The following FASTKD1 variants were observed in gnomAD, a reference collection of about 807,000 sequenced individuals.
The protein encoded by FASTKD1 is FAST kinase domain-containing protein 1, mitochondrial.
FASTKD1 carries 94 observed loss-of-function variants against 90.9 expected under a neutral mutation model. That is an observed-to-expected ratio of 1.03 (90% CI 0.88 to 1.23). The LOEUF (loss-of-function observed/expected upper bound fraction) is 1.23. Among genes scored for constraint, FASTKD1 ranks in the 50% most tolerant of loss-of-function variants. FASTKD1 has a pLI of 0.00. For missense variants in FASTKD1, 945 were observed against 993.5 expected (o/e 0.95, Z 0.66); for synonymous variants, 319 against 345.8 (o/e 0.92, Z 0.86).
chr2:169,531,433 A>G lies in FASTKD1; in HGVS notation c.2246T>C (p.Ile749Thr). Residue 749 changes from isoleucine to threonine, a missense_variant, in exon 13 of 15, where the codon ATA becomes ACA. Ile to Thr is a moderately conservative substitution (Grantham distance 89). Transcript: ENST00000453153. The part of the protein sequence containing the change: ...KKPLPYGSHN[I>T]ALGQLPEMPW... The stretch of plus-strand genomic sequence containing the variant: ...CATTTCTGGTAGTTGTCCCAATGCT[A>G]TATTATGGCTTCCATACGGAAGAGG... The G allele has an allele frequency of 6.2e-7, 1 of 1,612,416 alleles. No homozygotes were observed. Among genetic ancestry groups the G allele is most frequent in the Non-Finnish European group, 8.5e-7 (1 of 1,179,542 alleles).
At chr2:169,542,964 A>G (rs767925542) in intron 9 of FASTKD1, among the ~76,000 whole-genome samples, 39 of 152,204 alleles carry the variant, frequency 2.6e-4, no homozygotes, top group Non-Finnish European at 4.6e-4. Flanking sequence ...TTTGCTGCAA[A>G]TGTTTAATCT....
At chr2:169,537,183 G>T in intron 12 of FASTKD1, 44 bp downstream of exon 12, 2 of 1,162,110 alleles carry the variant, frequency 1.7e-6, no homozygotes, top group Non-Finnish European at 2.6e-6. Flanking sequence ...ATTCAAATTA[G>T]TTTGATTTTC....
intron 7 of FASTKD1, among the ~76,000 whole-genome samples, chr2:169,552,321 ATCT>A (rs1574391313): frequency 1.3e-5 from 2 of 152,212 alleles, no homozygotes; most frequent in East Asian, 1.9e-4. Context: ...GGAAAATGAA[ATCT>A]TCTTTGATGC....
rs569321950 is a variant in FASTKD1, at chr2:169,556,115, G to A, written c.1083-860C>T. ...CTATTTTACAAGGTTATGATGCTCTGCTTGAGTGTAATAGCACAAATAAAA... is the reference window on the plus strand; with the variant it reads ...CTATTTTACAAGGTTATGATGCTCTACTTGAGTGTAATAGCACAAATAAAA... On this transcript the variant is annotated intron_variant, in intron 6 of 14. Coordinates refer to ENST00000453153, the MANE Select transcript of FASTKD1 (RefSeq NM_024622.6). Among the ~76,000 whole-genome samples the A allele has an allele frequency of 2.0e-5, 3 of 152,202 alleles. No individual in the cohort carries two copies. The South Asian group carries it at 6.2e-4, about 32-fold the overall frequency.
chr2:169,536,089 A>G (rs921708746), intron 12 of FASTKD1, among the ~76,000 whole-genome samples: 3 of 152,160 alleles, frequency 2.0e-5, no homozygotes, highest in Non-Finnish European at 4.4e-5. Flanking sequence ...GAGACCAGCA[A>G]CATAGTGAGA....
At chr2:169,568,829 T>C (rs1684109972) in intron 3 of FASTKD1, among the ~76,000 whole-genome samples, 1 of 151,572 alleles carries the variant, frequency 6.6e-6, no homozygotes, top group South Asian at 2.1e-4. Context: ...TGAAACCCCA[T>C]CTCTACTAAA....
chr2:169,531,288 C>G, intron 13 of FASTKD1, 64 bp downstream of exon 13: 2 of 1,501,510 alleles, frequency 1.3e-6, no homozygotes, highest in Non-Finnish European at 1.9e-6. Context: ...TCACTGACTT[C>G]AGTATAGTAC....
chr2:169,563,871 T>C (rs1450659692), intron 3 of FASTKD1, among the ~76,000 whole-genome samples: 1 of 152,090 alleles, frequency 6.6e-6, no homozygotes, highest in Admixed American at 6.6e-5. Flanking sequence ...ACTCATACAA[T>C]AGAATAAAAT....
chr2:169,537,542 G>A (rs1684779236), intron 11 of FASTKD1, among the ~76,000 whole-genome samples: 1 of 151,984 alleles, frequency 6.6e-6, no homozygotes, highest in East Asian at 1.9e-4. Flanking sequence ...GTGCCACCAC[G>A]CCCAGCTAAT....
chr2:169,536,611 T>C (rs747029194), intron 12 of FASTKD1, among the ~76,000 whole-genome samples: 5 of 152,218 alleles, frequency 3.3e-5, no homozygotes, highest in Non-Finnish European at 7.4e-5. Flanking sequence ...TTTATGTTAA[T>C]TATCTTGAAA....
At chr2:169,534,716 C>G (rs931618585) in intron 12 of FASTKD1, among the ~76,000 whole-genome samples, 1 of 152,210 alleles carries the variant, frequency 6.6e-6, no homozygotes, top group Admixed American at 6.5e-5. Context: ...GCCTCTGTCT[C>G]CCAAAGTGCT....
chr2:169,555,790 T>C (rs1439779599), intron 6 of FASTKD1, among the ~76,000 whole-genome samples: 3 of 152,196 alleles, frequency 2.0e-5, no homozygotes, highest in Non-Finnish European at 4.4e-5. Flanking sequence ...TGTAAGTATA[T>C]ATTTTTTCTT....
intron 5 of FASTKD1, among the ~76,000 whole-genome samples, chr2:169,558,711 A>G (rs1293711534): frequency 2.0e-5 from 3 of 151,872 alleles, no homozygotes; most frequent in African/African-American, 7.3e-5. Context: ...TCAGCCTCCC[A>G]AGGTGCTGGG....
rs1251336915 is a variant in FASTKD1 at position 169,538,113 on chromosome 2, G to A, written c.1974C>T (p.Val658=). 4 of 1,607,216 alleles carry A rather than the reference G, an allele frequency of 2.5e-6. No individual in the cohort carries two copies. The highest frequency in any genetic ancestry group is 2.2e-5 in the South Asian group (2 of 89,220). Residue 658 remains valine, a synonymous_variant, in exon 11 of 15, where the codon GTC becomes GTT. Transcript: ENST00000453153. The part of the protein sequence containing the change: ...EILSPSRSAR[V]QFHLMELNRS... ...TATTTAACTCCATAAGATGAAACTG[G>A]ACTCTTGCACTTCGAGATGGAGATA...
intron 7 of FASTKD1, among the ~76,000 whole-genome samples, chr2:169,550,175 A>AT (rs1255721038): frequency 5.3e-5 from 8 of 151,870 alleles, no homozygotes; most frequent in African/African-American, 1.7e-4. Flanking sequence ...GCCTTATCAT[A>AT]TTTTTTACAT....
intron 9 of FASTKD1, among the ~76,000 whole-genome samples, 191 bp downstream of exon 9, chr2:169,544,530 C>T (rs1685097195): frequency 6.6e-6 from 1 of 152,112 alleles, no homozygotes; most frequent in African/African-American, 2.4e-5. Flanking sequence ...AAGATCGCAC[C>T]ACTACACTCC....
intron 1 of FASTKD1, chr2:169,573,326 C>T (rs2105451327): frequency 6.6e-6 from 1 of 152,386 alleles, no homozygotes; most frequent in East Asian, 1.9e-4. Flanking sequence ...CCTCAAGATA[C>T]TATATTCATC....
chr2:169,541,977 T>G (rs1684976443), intron 9 of FASTKD1, among the ~76,000 whole-genome samples: 1 of 152,158 alleles, frequency 6.6e-6, no homozygotes, highest in African/African-American at 2.4e-5. Flanking sequence ...TCCCTAACTC[T>G]TGACATGCAT....
At chr2:169,563,812 T>C (rs978816756) in intron 3 of FASTKD1, among the ~76,000 whole-genome samples, 3 of 152,080 alleles carry the variant, frequency 2.0e-5, no homozygotes, top group African/African-American at 7.2e-5. Context: ...AGCAAAACCC[T>C]GCAAAAAACC....
Sources: gnomAD v4.1 joint callset for allele counts (sites outside exome capture counted in the v4.1 genomes callset) on GRCh38, gnomAD v4.1.1 for gene constraint, MANE v1.5 for transcripts, NCBI Gene and HGNC (gene_info 2026-07-23, HGNC 2026-07-21) for gene names.